DDHD1: variants seen among roughly 807,000 people sequenced by gnomAD.
DDHD1 encodes the protein phospholipase DDHD1.
Under a neutral mutation model 96.4 loss-of-function variants are expected in DDHD1, and 49 were observed. That is an observed-to-expected ratio of 0.51 (90% confidence interval 0.40 to 0.64). The LOEUF is 0.64. DDHD1 is among the 30% of genes least tolerant of loss of function. The pLI is 0.00. For synonymous variants in DDHD1, 442 were observed against 446.5 expected (o/e 0.99, Z 0.13); for missense variants, 1,106 against 1,161.2 (o/e 0.95, Z 0.69).
At chr14:53,091,970 C>T (rs1172016694) in intron 3 of DDHD1, 38 bp from the exon 4 acceptor site, 6 of 1,552,282 alleles carry the variant, frequency 3.9e-6, no homozygotes, top group Non-Finnish European at 5.3e-6. Context: ...ACTATTTAAT[C>T]TGAGAAATAG....
At chr14:53,060,664 C>T (rs151239905) in intron 8 of DDHD1, among the ~76,000 whole-genome samples, 91 of 152,264 alleles carry the variant, frequency 6.0e-4, no homozygotes, top group African/African-American at 2.1e-3. Flanking sequence ...TCATCTGTCT[C>T]TATTTTTCTT....
At chr14:53,104,860 T>C (rs1399250390) in intron 1 of DDHD1, among the ~76,000 whole-genome samples, 3 of 152,056 alleles carry the variant, frequency 2.0e-5, no homozygotes, top group Non-Finnish European at 4.4e-5. Context: ...TTTAATCATA[T>C]AAAGAGAAAT....
intron 12 of DDHD1, among the ~76,000 whole-genome samples, chr14:53,047,687 TG>T (rs1414568935): frequency 1.3e-5 from 2 of 152,138 alleles, no homozygotes; most frequent in Admixed American, 6.5e-5. Context: ...AACAATTCAG[TG>T]AATTCAATCA....
At chr14:53,093,626 T>G in intron 2 of DDHD1, 182 bp from the exon 3 acceptor site, 1 of 640,588 alleles carries the variant, frequency 1.6e-6, no homozygotes, top group Non-Finnish European at 2.4e-6. Context: ...GGATAGGGAC[T>G]TTATTTTATA....
chr14:53,128,089 C>A (rs1304986635), intron 1 of DDHD1, among the ~76,000 whole-genome samples: 1 of 152,186 alleles, frequency 6.6e-6, no homozygotes, highest in Non-Finnish European at 1.5e-5. Context: ...ATATTTCTCT[C>A]TCCTCCTACC....
chr14:53,133,900 T>C (rs1399077749), intron 1 of DDHD1, among the ~76,000 whole-genome samples: 1 of 152,118 alleles, frequency 6.6e-6, no homozygotes, highest in Non-Finnish European at 1.5e-5. Context: ...CCCTACTTAG[T>C]CATCTATAGT....
intron 6 of DDHD1, among the ~76,000 whole-genome samples, chr14:53,063,497 A>C (rs1450961451): frequency 2.0e-5 from 3 of 151,798 alleles, no homozygotes; most frequent in Non-Finnish European, 4.4e-5. Context: ...AAAAAAAAAA[A>C]CCAAAGTTCT....
rs745782826 is a variant in DDHD1, at chr14:53,041,178, C to G, written c.*5590G>C. 11 of 152,000 alleles carry G rather than the reference C, an allele frequency of 7.2e-5. No individual in the cohort carries two copies. Among genetic ancestry groups the G allele is most frequent in the Non-Finnish European group, 1.3e-4 (9 of 68,016 alleles). 9.4% of individuals were successfully genotyped at this position (152,000 alleles called of 1,614,324 possible). A position where few individuals can be genotyped will look rare whatever the true frequency, so the allele number is the denominator to read the frequency against. On this transcript the variant is annotated 3_prime_UTR_variant, in exon 13 of 13. Transcript: ENST00000673822. ...TTTTCATCTTACTCCAACAGAAGAC[C>G]AGATGTAATCTTCCTAAAGAATATT...
At chr14:53,068,511 A>G (rs1884242255) in intron 6 of DDHD1, among the ~76,000 whole-genome samples, 1 of 152,116 alleles carries the variant, frequency 6.6e-6, no homozygotes, top group Non-Finnish European at 1.5e-5. Flanking sequence ...TTGGCCTCAC[A>G]AAGGGCTGGG....
At chr14:53,070,679 G>C (rs1884437301) in intron 6 of DDHD1, among the ~76,000 whole-genome samples, 1 of 152,076 alleles carries the variant, frequency 6.6e-6, no homozygotes, top group African/African-American at 2.4e-5. Context: ...GTGTCAAAAT[G>C]TGCTCAGAAA....
chr14:53,110,096 C>T (rs1887998186), intron 1 of DDHD1, among the ~76,000 whole-genome samples: 1 of 152,324 alleles, frequency 6.6e-6, no homozygotes, highest in Middle Eastern at 3.4e-3. Flanking sequence ...CTACCCAAGG[C>T]AGAAACCTGG....
intron 1 of DDHD1, among the ~76,000 whole-genome samples, chr14:53,112,893 AAT>A (rs1030559467): frequency 3.9e-5 from 6 of 152,206 alleles, no homozygotes; most frequent in Non-Finnish European, 8.8e-5. Flanking sequence ...AGAGTGCCTG[AAT>A]ATAAAAAAAA....
intron 1 of DDHD1, among the ~76,000 whole-genome samples, chr14:53,110,767 C>T (rs530269820): frequency 1.1e-4 from 16 of 152,086 alleles, no homozygotes; most frequent in African/African-American, 3.9e-4. Flanking sequence ...TCTGAGGTCA[C>T]GAGTTCGAGA....
At chr14:53,102,916 T>C (rs1887414239) in intron 2 of DDHD1, 3 of 989,320 alleles carry the variant, frequency 3.0e-6, no homozygotes, top group East Asian at 5.5e-5. Context: ...TTAGATTCAG[T>C]AGAGCTTGCC....
chr14:53,081,670 TG>T (rs1885480551), intron 4 of DDHD1, among the ~76,000 whole-genome samples: 1 of 152,218 alleles, frequency 6.6e-6, no homozygotes, highest in Admixed American at 6.5e-5. Flanking sequence ...GTGATGTAGC[TG>T]GGAAACCCTA....
At chr14:53,102,882 A>G (rs1887412451) in intron 2 of DDHD1, 1 of 773,268 alleles carries the variant, frequency 1.3e-6, no homozygotes, top group Non-Finnish European at 2.1e-6. Context: ...GGGAAGGGAA[A>G]AAATCAATTA....
rs776774815 is a variant in DDHD1 at position 53,063,098 on chromosome 14, G to A, written c.1611C>T (p.Ser537=). ...TGTCATAAGTAATTACACATCCCAA[G>A]GAATGTGATACTATTGAGACTTTAC... The part of the protein sequence containing the change: ...KGGKVSIVSH[S]LGCVITYDIM... The change falls in exon 7 of 13, where the codon TCC becomes TCT. Residue 537 remains serine (S), a synonymous_variant. Coordinates refer to ENST00000673822, the MANE Select transcript of DDHD1 (RefSeq NM_001160148.2). 6.2e-7 allele frequency: 1 copy of A among 1,614,026 alleles called. No homozygotes were observed. Among genetic ancestry groups the A allele is most frequent in the South Asian group, 1.1e-5 (1 of 91,068 alleles).
rs139315842 is a variant in DDHD1 at position 53,084,506 on chromosome 14, G to A, written c.1289+7279C>T. On this transcript the variant is annotated intron_variant, in intron 4 of 12. Transcript: ENST00000673822. ...ACTAACATATAAATATAAACATCACGGGAAGTAATACATAATTCATCAGAG... is the reference window on the plus strand; with the variant it reads ...ACTAACATATAAATATAAACATCACAGGAAGTAATACATAATTCATCAGAG... 5.4e-3 allele frequency among the ~76,000 whole-genome samples: 815 copies of A among 152,170 alleles called. 7 individuals carry two copies. The highest frequency in any genetic ancestry group is 0.01 in the Middle Eastern group (3 of 294).
At chr14:53,082,382 TATAGAAAAAA>T (rs949521866) in intron 4 of DDHD1, among the ~76,000 whole-genome samples, 11 of 147,108 alleles carry the variant, frequency 7.5e-5, no homozygotes, top group African/African-American at 2.0e-4. Flanking sequence ...GTGACATAAA[TATAGAAAAAA>T]ATAGAAAAAG....
Sources: gnomAD v4.1 joint callset for allele counts (sites outside exome capture counted in the v4.1 genomes callset) on GRCh38, gnomAD v4.1.1 for gene constraint, MANE v1.5 for transcripts, NCBI Gene and HGNC (gene_info 2026-07-23, HGNC 2026-07-21) for gene names.